Variants in CREB5 observed in about 807,000 individuals in gnomAD.
The protein encoded by CREB5 is cyclic AMP-responsive element-binding protein 5.
Under a neutral mutation model 57.1 loss-of-function variants are expected in CREB5, and 19 were observed. The ratio of observed to expected loss-of-function variants is 0.33; its 90% confidence interval spans 0.23 to 0.49. The LOEUF is 0.49. Among genes scored for constraint, CREB5 ranks in the 20% least tolerant of loss-of-function variants. The pLI is 0.99. For missense variants in CREB5, 579 were observed against 671.6 expected (o/e 0.86, Z 1.52); for synonymous variants, 238 against 238.3 (o/e 1.00, Z 0.01).
chr7:28,556,749 T>A (rs1032893597), intron 4 of CREB5, among the ~76,000 whole-genome samples: 1 of 152,232 alleles, frequency 6.6e-6, no homozygotes, highest in Admixed American at 6.5e-5. Flanking sequence ...ACACACAATC[T>A]TAATGAGCAC....
intron 4 of CREB5, among the ~76,000 whole-genome samples, chr7:28,535,126 T>C (rs1793901598): frequency 7.0e-6 from 1 of 141,908 alleles, no homozygotes; most frequent in Admixed American, 7.0e-5. Context: ...CTACACCGGC[T>C]CTTTAAGGCC....
At chr7:28,600,409 A>C (rs1186567040) in intron 5 of CREB5, among the ~76,000 whole-genome samples, 4 of 152,166 alleles carry the variant, frequency 2.6e-5, no homozygotes, top group Admixed American at 2.0e-4. Flanking sequence ...CAATTCTTAC[A>C]TGCAGAGTCT....
At chr7:28,398,892 T>C (rs924117350) in intron 1 of CREB5, among the ~76,000 whole-genome samples, 8 of 151,982 alleles carry the variant, frequency 5.3e-5, no homozygotes, top group Non-Finnish European at 1.2e-4. Flanking sequence ...TTAAAAAATT[T>C]TGTTGTAGAG....
In CREB5 at chr7:28,412,733, C is replaced by T. The variant is rs1199386948; in HGVS notation, c.-182C>T. On this transcript the variant is annotated 5_prime_UTR_variant, in exon 1 of 11. Transcript: ENST00000357727. ...GCAGAAGTAATTGTAAAATACCAGA[C>T]CTGTTCTTTTTACTAAAAGCTAGTT... The T allele has an allele frequency of 1.1e-5, 5 of 448,316 alleles. No individual in the cohort carries two copies. The highest frequency in any genetic ancestry group is 2.0e-5 in the African/African-American group (1 of 49,912). 27.8% of individuals were successfully genotyped at this position (448,316 alleles called of 1,614,324 possible). A position where few individuals can be genotyped will look rare whatever the true frequency, so the allele number is the denominator to read the frequency against.
intron 1 of CREB5, among the ~76,000 whole-genome samples, chr7:28,379,681 G>C (rs1426333310): frequency 1.3e-5 from 2 of 152,136 alleles, no homozygotes; most frequent in African/African-American, 4.8e-5. Context: ...AATTGGTCTG[G>C]ATGTAGTTGG....
chr7:28,405,852 G>A (rs558505315), intron 1 of CREB5, among the ~76,000 whole-genome samples: 1 of 152,170 alleles, frequency 6.6e-6, no homozygotes, highest in Non-Finnish European at 1.5e-5. Context: ...CAAAGGATGT[G>A]TGTGTGGTGG....
At chr7:28,722,231 A>T (rs1034640176) in intron 6 of CREB5, among the ~76,000 whole-genome samples, 2 of 152,214 alleles carry the variant, frequency 1.3e-5, no homozygotes, top group Admixed American at 1.3e-4. Flanking sequence ...AGAAGCTGTA[A>T]GCAGGCTACT....
chr7:28,625,258 C>T (rs773753587), intron 5 of CREB5, among the ~76,000 whole-genome samples: 1 of 152,184 alleles, frequency 6.6e-6, no homozygotes, highest in Non-Finnish European at 1.5e-5. Context: ...CAGCTTTATC[C>T]TCTACCCACA....
At chr7:28,510,060 T>C (rs551368867) in intron 4 of CREB5, among the ~76,000 whole-genome samples, 173 of 152,314 alleles carry the variant, frequency 1.1e-3, no homozygotes, top group Non-Finnish European at 1.7e-3. Flanking sequence ...GACGGCTGTG[T>C]TGGTGGCTTT....
intron 1 of CREB5, among the ~76,000 whole-genome samples, chr7:28,454,372 TG>T (rs1335208970): frequency 6.6e-6 from 1 of 152,208 alleles, no homozygotes; most frequent in African/African-American, 2.4e-5. Context: ...CTGTTCTTCC[TG>T]GGGCACCAGA....
chr7:28,638,765 A>T (rs1292005041), intron 5 of CREB5, among the ~76,000 whole-genome samples: 1 of 152,232 alleles, frequency 6.6e-6, no homozygotes, highest in Non-Finnish European at 1.5e-5. Flanking sequence ...TTCATTTTAT[A>T]TATGAAAAAC....
In CREB5 at chr7:28,779,444, T is replaced by C. The variant is rs193260908; in HGVS notation, c.703-24755T>C. Among the ~76,000 whole-genome samples, 89 of 152,348 alleles carry C rather than the reference T, an allele frequency of 5.8e-4. 1 individual carries two copies. Among genetic ancestry groups the C allele is most frequent in the Admixed American group, 1.6e-3 (24 of 15,300 alleles). The stretch of plus-strand genomic sequence containing the variant: ...GAAGGGAGGAAAATGAGTATTCTTA[T>C]AGCACAAATAATGCATTTTTCTAAA... On this transcript the variant is annotated intron_variant, in intron 7 of 10. Transcript: ENST00000357727.
intron 1 of CREB5, among the ~76,000 whole-genome samples, chr7:28,304,663 C>T (rs1016768338): frequency 1.3e-5 from 2 of 152,120 alleles, no homozygotes; most frequent in African/African-American, 4.8e-5. Flanking sequence ...AGAGAAGCCA[C>T]ATAAATATCC....
chr7:28,387,078 T>C (rs958847900), intron 1 of CREB5, among the ~76,000 whole-genome samples: 1 of 152,214 alleles, frequency 6.6e-6, no homozygotes, highest in African/African-American at 2.4e-5. Flanking sequence ...TTTATATTCC[T>C]TTGGGTATAT....
intron 1 of CREB5, among the ~76,000 whole-genome samples, chr7:28,419,604 A>G (rs571628973): frequency 6.6e-6 from 1 of 152,368 alleles, no homozygotes; most frequent in East Asian, 1.9e-4. Flanking sequence ...TTATATGAAA[A>G]TAAATATGTA....
At chr7:28,427,808 T>G (rs554845885) in intron 1 of CREB5, among the ~76,000 whole-genome samples, 2 of 152,196 alleles carry the variant, frequency 1.3e-5, no homozygotes, top group African/African-American at 4.8e-5. Context: ...GTTTATAATA[T>G]TATACAAAAG....
intron 1 of CREB5, among the ~76,000 whole-genome samples, chr7:28,419,739 T>C (rs1788165892): frequency 6.6e-6 from 1 of 152,204 alleles, no homozygotes; most frequent in African/African-American, 2.4e-5. Context: ...AAATATCTAT[T>C]TGTAACATTG....
intron 5 of CREB5, among the ~76,000 whole-genome samples, chr7:28,716,149 T>A (rs934047348): frequency 6.6e-6 from 1 of 152,206 alleles, no homozygotes; most frequent in African/African-American, 2.4e-5. Flanking sequence ...TTTTTTTTAA[T>A]TTTTATTTTT....
intron 5 of CREB5, among the ~76,000 whole-genome samples, chr7:28,681,941 G>A (rs1196236185): frequency 6.6e-6 from 1 of 152,192 alleles, no homozygotes; most frequent in Non-Finnish European, 1.5e-5. Context: ...CAGAATTGAT[G>A]ACAATATTTT....
Sources: gnomAD v4.1 joint callset for allele counts (sites outside exome capture counted in the v4.1 genomes callset) on GRCh38, gnomAD v4.1.1 for gene constraint, MANE v1.5 for transcripts, NCBI Gene and HGNC (gene_info 2026-07-23, HGNC 2026-07-21) for gene names.